TMEM74: variants seen among roughly 807,000 people sequenced by gnomAD.
TMEM74 encodes transmembrane protein 74.
Under a neutral mutation model 18.1 loss-of-function variants are expected in TMEM74, and 13 were observed. The ratio of observed to expected loss-of-function variants is 0.72; its 90% CI spans 0.47 to 1.14. The LOEUF (loss-of-function observed/expected upper bound fraction) is 1.14. Among genes scored for constraint, TMEM74 ranks in the 50% most tolerant of loss-of-function variants. The probability of loss-of-function intolerance (pLI) is 0.00; values close to 1 mark genes in which losing one functional copy is unlikely to be tolerated. For synonymous variants in TMEM74, 159 were observed against 146.6 expected (o/e 1.08, Z -0.61); for missense variants, 372 against 375.9 (o/e 0.99, Z 0.09).
At chr8:108,627,236 G>A (rs1274407781) in intron 2 of TMEM74, among the ~76,000 whole-genome samples, 4 of 152,008 alleles carry the variant, frequency 2.6e-5, no homozygotes, top group Admixed American at 2.0e-4. Flanking sequence ...CACACTTCCA[G>A]ATGGTCCCTT....
chr8:108,697,508 C>T (rs999007144), intron 1 of TMEM74, among the ~76,000 whole-genome samples: 2 of 152,138 alleles, frequency 1.3e-5, no homozygotes, highest in African/African-American at 4.8e-5. Flanking sequence ...CCTTGACCTC[C>T]TGGGCTCAAG....
chr8:108,679,558 G>A (rs1173283329), intron 1 of TMEM74, among the ~76,000 whole-genome samples: 2 of 152,180 alleles, frequency 1.3e-5, no homozygotes, highest in South Asian at 2.1e-4. Flanking sequence ...TTTGAGAAGT[G>A]TCTGTTCATA....
chr8:108,651,594 T>C (rs990370747), intron 2 of TMEM74, among the ~76,000 whole-genome samples: 1 of 151,892 alleles, frequency 6.6e-6, no homozygotes, highest in African/African-American at 2.4e-5. Context: ...GAGAGCAAGA[T>C]GAAGGATGAG....
intron 1 of TMEM74, among the ~76,000 whole-genome samples, chr8:108,730,168 T>C (rs935497461): frequency 1.3e-5 from 2 of 152,122 alleles, no homozygotes; most frequent in African/African-American, 4.8e-5. Context: ...CTTTTCAAGG[T>C]CAAATAAAAG....
intron 1 of TMEM74, among the ~76,000 whole-genome samples, chr8:108,708,297 G>A (rs930274790): frequency 2.0e-5 from 3 of 151,028 alleles, no homozygotes; most frequent in African/African-American, 7.3e-5. Context: ...TGGGCATTTA[G>A]GTTGATTCCA....
At chr8:108,747,386 T>C (rs993717752) in intron 1 of TMEM74, among the ~76,000 whole-genome samples, 5 of 151,944 alleles carry the variant, frequency 3.3e-5, no homozygotes, top group African/African-American at 1.2e-4. Flanking sequence ...AAAAAGCAGA[T>C]AAACTAGATG....
At chr8:108,736,050 CT>C (rs1813746457) in intron 1 of TMEM74, among the ~76,000 whole-genome samples, 1 of 151,784 alleles carries the variant, frequency 6.6e-6, no homozygotes, top group Non-Finnish European at 1.5e-5. Context: ...GCATTTTCTG[CT>C]TTTAAACAAC....
At chr8:108,730,257 G>A (rs1813680046) in intron 1 of TMEM74, among the ~76,000 whole-genome samples, 1 of 152,196 alleles carries the variant, frequency 6.6e-6, no homozygotes, top group African/African-American at 2.4e-5. Flanking sequence ...GCTGTGGCCA[G>A]CCTATGTGTC....
chr8:108,773,016 T>C (rs760446608), intron 1 of TMEM74, among the ~76,000 whole-genome samples: 20 of 152,172 alleles, frequency 1.3e-4, no homozygotes, highest in African/African-American at 4.8e-4. Flanking sequence ...CTTATTAATA[T>C]GATATAGTAA....
At chr8:108,706,646 T>C (rs1324669507) in intron 1 of TMEM74, among the ~76,000 whole-genome samples, 1 of 152,228 alleles carries the variant, frequency 6.6e-6, no homozygotes, top group Admixed American at 6.5e-5. Flanking sequence ...AGCTGATGTT[T>C]ATTACATTCC....
chr8:108,713,971 G>A (rs1008870436), intron 1 of TMEM74, among the ~76,000 whole-genome samples: 1 of 152,260 alleles, frequency 6.6e-6, no homozygotes, highest in Admixed American at 6.5e-5. Flanking sequence ...AGGGACAGGA[G>A]AAAAAGAGTG....
chr8:108,631,306 G>A (rs1014106152), intron 2 of TMEM74, among the ~76,000 whole-genome samples: 1 of 151,940 alleles, frequency 6.6e-6, no homozygotes, highest in Non-Finnish European at 1.5e-5. Flanking sequence ...GAGTGTGAAG[G>A]AACACAGCCT....
Position 108,784,855 on chromosome 8 carries a change from G to C in TMEM74, c.244C>G (p.Pro82Ala). The C allele has an allele frequency of 1.2e-6, 2 of 1,614,166 alleles. No homozygotes were observed. Among genetic ancestry groups the C allele is most frequent in the Non-Finnish European group, 1.7e-6 (2 of 1,180,036 alleles). ...QNSTLQPDAF[P>A]PGLLHSGNNQ... Reference sequence around the variant, plus strand: ...TTCCCTGAGTGGAGAAGTCCTGGTGGAAAGGCATCTGGCTGAAGAGTACTG... The same window carrying C: ...TTCCCTGAGTGGAGAAGTCCTGGTGCAAAGGCATCTGGCTGAAGAGTACTG... The change falls in exon 2 of 2, where the codon CCA (proline) becomes GCA (alanine). Residue 82 changes from proline (P) to alanine (A), a missense_variant. Transcript: ENST00000297459.
At chr8:108,738,464 A>G (rs576015582) in intron 1 of TMEM74, among the ~76,000 whole-genome samples, 1 of 152,296 alleles carries the variant, frequency 6.6e-6, no homozygotes, top group South Asian at 2.1e-4. Flanking sequence ...TCAAAATATC[A>G]AAACTTGGCC....
intron 1 of TMEM74, among the ~76,000 whole-genome samples, chr8:108,773,095 G>A (rs1228156218): frequency 6.6e-6 from 1 of 152,054 alleles, no homozygotes; most frequent in African/African-American, 2.4e-5. Flanking sequence ...GCACTGAAAA[G>A]GAGAGGAAGA....
At chr8:108,665,696 G>A (rs1395352521) in intron 1 of TMEM74, among the ~76,000 whole-genome samples, 1 of 152,098 alleles carries the variant, frequency 6.6e-6, no homozygotes, top group Non-Finnish European at 1.5e-5. Flanking sequence ...GAGTCAAGAT[G>A]GAAAGAGAGA....
At chr8:108,684,063 A>G (rs145997520) in intron 1 of TMEM74, among the ~76,000 whole-genome samples, 1 of 152,214 alleles carries the variant, frequency 6.6e-6, no homozygotes, top group African/African-American at 2.4e-5. Context: ...TGTGATAAAC[A>G]TGGGCTGCAG....
chr8:108,714,490 GGGA>G (rs1185610690), intron 1 of TMEM74, among the ~76,000 whole-genome samples: 1 of 152,154 alleles, frequency 6.6e-6, no homozygotes, highest in Non-Finnish European at 1.5e-5. Flanking sequence ...CAAGTGACAA[GGGA>G]GGAACAGGTG....
chr8:108,669,783 A>G (rs1355384080), intron 1 of TMEM74, among the ~76,000 whole-genome samples: 1 of 152,178 alleles, frequency 6.6e-6, no homozygotes, highest in Non-Finnish European at 1.5e-5. Context: ...CACGCCAGTA[A>G]TCCCAGCACT....
Sources: gnomAD v4.1 joint callset for allele counts (sites outside exome capture counted in the v4.1 genomes callset) on GRCh38, gnomAD v4.1.1 for gene constraint, MANE v1.5 for transcripts, NCBI Gene and HGNC (gene_info 2026-07-23, HGNC 2026-07-21) for gene names.